Variants in SLC4A1AP observed in about 807,000 individuals in gnomAD.
SLC4A1AP encodes kanadaptin.
Under a neutral mutation model 89.7 loss-of-function variants are expected in SLC4A1AP, and 64 were observed. The observed-to-expected ratio is 0.71, with a 90% CI of 0.58 to 0.88. The LOEUF is 0.88. SLC4A1AP is among the 40% of genes least tolerant of loss of function. The probability of loss-of-function intolerance (pLI) is 0.00; values close to 1 mark genes in which losing one functional copy is unlikely to be tolerated. For missense variants in SLC4A1AP, 931 were observed against 965.0 expected (o/e 0.96, Z 0.47); for synonymous variants, 366 against 353.3 (o/e 1.04, Z -0.40).
intron 5 of SLC4A1AP, among the ~76,000 whole-genome samples, chr2:27,670,993 G>T (rs1675420665): frequency 7.8e-6 from 1 of 128,724 alleles, no homozygotes; most frequent in South Asian, 2.4e-4. Context: ...GCATGATCTT[G>T]GCTCACTGCA....
At chr2:27,679,096 A>G (rs1043414797) in intron 8 of SLC4A1AP, among the ~76,000 whole-genome samples, 1 of 152,172 alleles carries the variant, frequency 6.6e-6, no homozygotes, top group Non-Finnish European at 1.5e-5. Flanking sequence ...ACAAAAAGGC[A>G]CTTTCTTATA....
At chr2:27,689,196 G>A (rs74514454) in intron 12 of SLC4A1AP, among the ~76,000 whole-genome samples, 3,966 of 152,124 alleles carry the variant, frequency 0.026, 163 homozygotes, top group African/African-American at 0.091. Context: ...TATGGAGGAC[G>A]TTATCTAACA....
chr2:27,693,617 C>T, intron 12 of SLC4A1AP, 68 bp from the exon 13 acceptor site: 1 of 1,271,190 alleles, frequency 7.9e-7, no homozygotes, highest in Non-Finnish European at 1.1e-6. Flanking sequence ...GACCCCAATC[C>T]CTTCTGCAGT....
intron 8 of SLC4A1AP, among the ~76,000 whole-genome samples, chr2:27,680,616 C>A (rs1002054043): frequency 6.6e-6 from 1 of 151,756 alleles, no homozygotes; most frequent in African/African-American, 2.4e-5. Context: ...ATAGTGAGAC[C>A]CTGTCTCTAC....
intron 10 of SLC4A1AP, 133 bp from the exon 11 acceptor site, chr2:27,687,801 T>G (rs1558510210): frequency 3.2e-6 from 2 of 621,974 alleles, no homozygotes; most frequent in Non-Finnish European, 5.7e-6. Context: ...ACCTTAAGAT[T>G]AGTTGAAGCT....
At chr2:27,679,337 T>G (rs1209345398) in intron 8 of SLC4A1AP, among the ~76,000 whole-genome samples, 1 of 152,226 alleles carries the variant, frequency 6.6e-6, no homozygotes, top group African/African-American at 2.4e-5. Flanking sequence ...GTGCTGCGGC[T>G]TACGCCTGTA....
intron 9 of SLC4A1AP, among the ~76,000 whole-genome samples, chr2:27,683,003 G>A (rs1240739961): frequency 6.6e-6 from 1 of 152,220 alleles, no homozygotes; most frequent in African/African-American, 2.4e-5. Context: ...TAGATGTAGT[G>A]TTCAGACTCA....
rs371418093 is a variant in SLC4A1AP at position 27,669,221 on chromosome 2, G to C, written c.1206-27G>C. On this transcript the variant is annotated intron_variant, in intron 4 of 13. Transcript: ENST00000613058. Reference sequence around the variant, plus strand: ...CTTGAGAATTGGAGCTTAATGCTGTGCTATAATTCCCACCAAATCAATGAA... The same window carrying C: ...CTTGAGAATTGGAGCTTAATGCTGTCCTATAATTCCCACCAAATCAATGAA... The C allele has an allele frequency of 1.9e-6, 3 of 1,588,012 alleles. No individual in the cohort carries two copies. The African/African-American group carries it at 4.1e-5, about 22-fold the overall frequency.
intron 11 of SLC4A1AP, 64 bp downstream of exon 11, chr2:27,688,084 A>G: frequency 7.4e-7 from 1 of 1,352,982 alleles, no homozygotes; most frequent in Non-Finnish European, 1.1e-6. Flanking sequence ...TTCATAAGGG[A>G]GGGGCTGGCA....
chr2:27,677,160 C>A, intron 6 of SLC4A1AP, 135 bp from the exon 7 acceptor site: 1 of 696,696 alleles, frequency 1.4e-6, no homozygotes. Flanking sequence ...AAAGTGTTAA[C>A]TCCATAAGTA....
exon 2 of SLC4A1AP, chr2:27,665,135 A>G (rs768537079): frequency 6.2e-7 from 1 of 1,613,314 alleles, no homozygotes; most frequent in Non-Finnish European, 8.5e-7. Context: ...AATCCGAGTT[A>G]ACAGTAACAC....
At chr2:27,685,403 A>G (rs1227818022) in intron 10 of SLC4A1AP, 126 bp downstream of exon 10, 35 of 1,232,904 alleles carry the variant, frequency 2.8e-5, no homozygotes, top group Non-Finnish European at 3.8e-5. Flanking sequence ...CTGACTCTGT[A>G]GCAAGGAAAC....
chr2:27,694,558 C>G, intron 13 of SLC4A1AP, 76 bp from the exon 14 acceptor site: 1 of 1,125,186 alleles, frequency 8.9e-7, no homozygotes, highest in Non-Finnish European at 1.2e-6. Flanking sequence ...TTTTGGCCTA[C>G]TGATATCTGG....
chr2:27,675,815 G>A (rs1319637735), intron 6 of SLC4A1AP, 123 bp downstream of exon 6: 2 of 618,556 alleles, frequency 3.2e-6, no homozygotes, highest in Non-Finnish European at 2.4e-6. Flanking sequence ...TGATACTGAA[G>A]TATAACTTTT....
intron 5 of SLC4A1AP, among the ~76,000 whole-genome samples, chr2:27,671,558 T>C (rs969517452): frequency 2.6e-5 from 4 of 152,340 alleles, no homozygotes; most frequent in Middle Eastern, 3.4e-3. Flanking sequence ...TATTTTTCTT[T>C]CAGGGCTTAT....
At chr2:27,677,063 C>G (rs989289430) in intron 6 of SLC4A1AP, among the ~76,000 whole-genome samples, 2 of 151,858 alleles carry the variant, frequency 1.3e-5, no homozygotes, top group East Asian at 3.9e-4. Flanking sequence ...CGCTTGAACC[C>G]GGGAGTCGGA....
In SLC4A1AP at chr2:27,674,408, T is replaced by G. The variant is rs555919483; in HGVS notation, c.1346-1124T>G. On this transcript the variant is annotated intron_variant, in intron 5 of 13. Transcript: ENST00000613058. ...ATAAATACTATTGCATTGATATTTA[T>G]AGAATAAATTCCTAGAAGTGGAATT... Among the ~76,000 whole-genome samples, 4 of 152,334 alleles carry G rather than the reference T, an allele frequency of 2.6e-5. No individual in the cohort carries two copies. In the South Asian group the frequency reaches 8.3e-4, roughly 32 times the overall value.
rs745693343 is a variant in SLC4A1AP at position 27,664,592 on chromosome 2, C to T, written c.825+15C>T. On this transcript the variant is annotated intron_variant, in intron 1 of 13. Transcript: ENST00000613058. ...TTATCCTGCAGGTAGGTAGAAAAAC[C>T]TAGAATTGAAATTTCGGGTTCATTG... The T allele has an allele frequency of 1.3e-6, 2 of 1,581,580 alleles. No homozygotes were observed. Among genetic ancestry groups the T allele is most frequent in the Non-Finnish European group, 8.6e-7 (1 of 1,160,018 alleles).
At chr2:27,673,254 ATCTG>A (rs970496907) in intron 5 of SLC4A1AP, among the ~76,000 whole-genome samples, 4 of 151,890 alleles carry the variant, frequency 2.6e-5, no homozygotes, top group African/African-American at 9.7e-5. Flanking sequence ...GTTTCTACTC[ATCTG>A]TCTACTTTCT....
Sources: allele counts gnomAD v4.1 joint callset (sites outside exome capture counted in the v4.1 genomes callset), GRCh38; gene constraint gnomAD v4.1.1; transcripts MANE v1.5; gene names NCBI Gene and HGNC (gene_info 2026-07-23, HGNC 2026-07-21).